RIT2: variants seen among roughly 807,000 people sequenced by gnomAD.
RIT2 encodes GTP-binding protein Rit2.
Under a neutral mutation model 23.7 loss-of-function variants are expected in RIT2, and 24 were observed. The ratio of observed to expected loss-of-function variants is 1.01; its 90% CI spans 0.73 to 1.43. The LOEUF (loss-of-function observed/expected upper bound fraction) is 1.43. RIT2 is among the 40% of genes most tolerant of loss of function. RIT2 has a pLI of 0.00. For missense variants in RIT2, 236 were observed against 266.9 expected (o/e 0.88, Z 0.81); for synonymous variants, 107 against 91.1 (o/e 1.17, Z -0.99).
intron 2 of RIT2, among the ~76,000 whole-genome samples, chr18:42,988,992 T>C (rs185933377): frequency 6.6e-5 from 10 of 152,312 alleles, no homozygotes; most frequent in Admixed American, 2.6e-4. Context: ...ACATGTTTTT[T>C]TCTTGTTCCC....
intron 1 of RIT2, among the ~76,000 whole-genome samples, chr18:43,097,060 T>C (rs1328129610): frequency 1.3e-5 from 2 of 151,930 alleles, no homozygotes; most frequent in African/African-American, 2.4e-5. Context: ...AAGTGTCCCA[T>C]GTATCCTGAG....
chr18:42,973,918 T>C (rs1910419828), intron 3 of RIT2, among the ~76,000 whole-genome samples, 156 bp downstream of exon 3: 1 of 151,972 alleles, frequency 6.6e-6, no homozygotes, highest in African/African-American at 2.4e-5. Flanking sequence ...TTCTGGTTGG[T>C]AATTTTGATT....
At chr18:42,796,705 T>C (rs2143955533) in intron 4 of RIT2, among the ~76,000 whole-genome samples, 1 of 152,354 alleles carries the variant, frequency 6.6e-6, no homozygotes, top group Non-Finnish European at 1.5e-5. Context: ...TATACTGAGG[T>C]ATGTTCCCTT....
At position 43,042,941 on chromosome 18, in the gene RIT2, A is replaced by G. The variant is rs185854706; in HGVS notation, c.104-9074T>C. 1.6e-4 allele frequency among the ~76,000 whole-genome samples: 24 copies of G among 152,322 alleles called. No individual in the cohort carries two copies. The East Asian group carries it at 4.6e-3, about 29-fold the overall frequency. The stretch of plus-strand genomic sequence containing the variant: ...CAATTAGATAAATACAGCATTTTCA[A>G]CAAGAATAAGAACCATGTACCATTT... On this transcript the variant is annotated intron_variant, in intron 1 of 4. Coordinates refer to ENST00000326695, the MANE Select transcript of RIT2 (RefSeq NM_002930.4).
intron 4 of RIT2, among the ~76,000 whole-genome samples, chr18:42,764,720 A>C (rs961953158): frequency 6.6e-6 from 1 of 152,214 alleles, no homozygotes; most frequent in Non-Finnish European, 1.5e-5. Flanking sequence ...ATATTTTTTG[A>C]ATGGATTGGA....
intron 4 of RIT2, among the ~76,000 whole-genome samples, chr18:42,800,791 A>G (rs1286412417): frequency 6.6e-6 from 1 of 152,022 alleles, no homozygotes; most frequent in Non-Finnish European, 1.5e-5. Context: ...TCGGCCTCCC[A>G]GAGTGCTGGG....
intron 4 of RIT2, among the ~76,000 whole-genome samples, chr18:42,877,434 T>C (rs943301029): frequency 1.3e-5 from 2 of 151,162 alleles, no homozygotes. Context: ...AGTTCCTACT[T>C]TGTGCTGGGT....
intron 3 of RIT2, among the ~76,000 whole-genome samples, chr18:42,926,387 G>T (rs893772719): frequency 1.3e-5 from 2 of 151,692 alleles, no homozygotes; most frequent in East Asian, 3.9e-4. Flanking sequence ...ATTTTATTTT[G>T]TTGTGAAGAA....
intron 4 of RIT2, among the ~76,000 whole-genome samples, chr18:42,840,086 C>T (rs1906722087): frequency 6.6e-6 from 1 of 152,162 alleles, no homozygotes. Context: ...CAGGTTAGCC[C>T]ACCTTAAAGC....
chr18:42,890,569 A>G (rs1255819216), intron 4 of RIT2, among the ~76,000 whole-genome samples: 2 of 150,576 alleles, frequency 1.3e-5, no homozygotes, highest in Non-Finnish European at 1.5e-5. Context: ...AGGAGGGAAG[A>G]AGAGAGAGAG....
rs532971501 is a variant in RIT2 at position 43,089,597 on chromosome 18, A to T, written c.103+25820T>A. ...ATCCTAAGCAAAAAAAAATAAAAAA[A>T]AAAATAAAGCTGGAGGTGTCATGCT... is the stretch of plus-strand genomic sequence containing the variant. On this transcript the variant is annotated intron_variant, in intron 1 of 4. Transcript: ENST00000326695. Among the ~76,000 whole-genome samples the T allele has an allele frequency of 1.3e-4, 20 of 152,118 alleles. No individual in the cohort carries two copies. In the East Asian group the frequency reaches 1.9e-3, roughly 15 times the overall value.
intron 4 of RIT2, among the ~76,000 whole-genome samples, chr18:42,759,161 C>A (rs1050738340): frequency 5.3e-5 from 8 of 152,106 alleles, no homozygotes; most frequent in African/African-American, 1.4e-4. Context: ...TTCAGGATTG[C>A]AATAAGCTTA....
At chr18:42,763,507 T>C (rs924157502) in intron 4 of RIT2, among the ~76,000 whole-genome samples, 1 of 150,162 alleles carries the variant, frequency 6.7e-6, no homozygotes, top group African/African-American at 2.4e-5. Flanking sequence ...TTACCATGAA[T>C]GAAGCTTCCA....
chr18:43,083,595 T>C (rs773656996), intron 1 of RIT2, among the ~76,000 whole-genome samples: 9 of 152,120 alleles, frequency 5.9e-5, no homozygotes, highest in Non-Finnish European at 7.4e-5. Context: ...AACCATCTGA[T>C]CTTTTACAAA....
chr18:42,880,813 T>TTTC (rs1907871117), intron 4 of RIT2, among the ~76,000 whole-genome samples: 2 of 149,858 alleles, frequency 1.3e-5, no homozygotes, highest in African/African-American at 4.9e-5. Flanking sequence ...TCTTTTTTTT[T>TTTC]TTTTTTTTTT....
chr18:42,920,765 T>A, intron 4 of RIT2: 3 of 1,589,674 alleles, frequency 1.9e-6, no homozygotes, highest in Non-Finnish European at 2.6e-6. Flanking sequence ...TGTAGGCTGA[T>A]AAGGAATAAG....
At chr18:42,879,022 A>G (rs1441928846) in intron 4 of RIT2, among the ~76,000 whole-genome samples, 1 of 152,080 alleles carries the variant, frequency 6.6e-6, no homozygotes, top group Non-Finnish European at 1.5e-5. Context: ...CACTAATTCA[A>G]TATCAAAATC....
At chr18:42,783,288 T>C (rs988001395) in intron 4 of RIT2, among the ~76,000 whole-genome samples, 1 of 151,996 alleles carries the variant, frequency 6.6e-6, no homozygotes, top group Admixed American at 6.6e-5. Context: ...GTCATTGATA[T>C]GTGGGCAGAA....
chr18:43,017,865 T>C (rs570061688), intron 2 of RIT2, among the ~76,000 whole-genome samples: 8 of 152,150 alleles, frequency 5.3e-5, no homozygotes, highest in African/African-American at 1.9e-4. Flanking sequence ...TGTGAGCTGG[T>C]AGGGCTGGCC....
Sources: gnomAD v4.1 joint callset for allele counts (sites outside exome capture counted in the v4.1 genomes callset) on GRCh38, gnomAD v4.1.1 for gene constraint, MANE v1.5 for transcripts, NCBI Gene and HGNC (gene_info 2026-07-23, HGNC 2026-07-21) for gene names.